SMC5: variants seen among roughly 807,000 people sequenced by gnomAD.
The protein encoded by SMC5 is structural maintenance of chromosomes 5.
A neutral mutation model predicts 148.3 loss-of-function variants in SMC5; 88 were observed. The observed-to-expected ratio is 0.59, with a 90% CI of 0.50 to 0.71. The LOEUF is 0.71. Ranked by LOEUF, SMC5 falls within the 30% of genes least tolerant of loss-of-function variation. The probability of loss-of-function intolerance (pLI) is 0.00; values close to 1 mark genes in which losing one functional copy is unlikely to be tolerated. For synonymous variants in SMC5, 421 were observed against 432.8 expected (o/e 0.97, Z 0.34); for missense variants, 1,142 against 1,298.9 (o/e 0.88, Z 1.86).
At chr9:70,304,615 A>C (rs2035449644) in intron 10 of SMC5, among the ~76,000 whole-genome samples, 1 of 152,142 alleles carries the variant, frequency 6.6e-6, no homozygotes, top group Non-Finnish European at 1.5e-5. Flanking sequence ...TGAACCCGGG[A>C]GGCAGAGGTT....
At chr9:70,295,907 A>G (rs138064697) in intron 8 of SMC5, among the ~76,000 whole-genome samples, 6 of 152,284 alleles carry the variant, frequency 3.9e-5, no homozygotes, top group African/African-American at 1.4e-4. Context: ...CATCTGTGAC[A>G]TGCTCATTTA....
At chr9:70,268,749 AT>A (rs927669641) in intron 3 of SMC5, among the ~76,000 whole-genome samples, 3 of 152,140 alleles carry the variant, frequency 2.0e-5, no homozygotes, top group Admixed American at 2.0e-4. Flanking sequence ...AGTTTGATGA[AT>A]CTCATGTATG....
At chr9:70,289,030 TTTGTTGTTG>T (rs942060955) in intron 8 of SMC5, among the ~76,000 whole-genome samples, 2 of 151,834 alleles carry the variant, frequency 1.3e-5, no homozygotes, top group Non-Finnish European at 1.5e-5. Flanking sequence ...TGATTTAGTT[TTTGTTGTTG>T]TTGTTGTTGT....
intron 3 of SMC5, among the ~76,000 whole-genome samples, chr9:70,276,517 T>G (rs1476087002): frequency 6.6e-6 from 1 of 152,244 alleles, no homozygotes; most frequent in East Asian, 1.9e-4. Context: ...AATGAAAGTT[T>G]AAAACTACTT....
intron 1 of SMC5, among the ~76,000 whole-genome samples, chr9:70,260,794 G>A (rs990579015): frequency 1.3e-5 from 2 of 152,210 alleles, no homozygotes; most frequent in African/African-American, 4.8e-5. Context: ...CCACGCTGGA[G>A]CTCAGTGGCA....
At position 70,277,814 on chromosome 9, in the gene SMC5, A is replaced by T. The variant is rs2034633672; in HGVS notation, c.543+342A>T. On this transcript the variant is annotated intron_variant, in intron 4 of 24. Transcript: ENST00000361138. ...CAGTTTTTGTTCGTATACATTATACATATATTTGAGTCTACAAAATATTTG... is the reference window on the plus strand; with the variant it reads ...CAGTTTTTGTTCGTATACATTATACTTATATTTGAGTCTACAAAATATTTG... Among the ~76,000 whole-genome samples the T allele has an allele frequency of 2.0e-5, 3 of 152,138 alleles. No individual in the cohort carries two copies. In the South Asian group the frequency reaches 6.2e-4, roughly 32 times the overall value.
chr9:70,315,026 T>G (rs2035758364), intron 12 of SMC5, among the ~76,000 whole-genome samples, 190 bp downstream of exon 12: 3 of 152,136 alleles, frequency 2.0e-5, no homozygotes. Flanking sequence ...ATGTTTCAAG[T>G]CTGCAGAATA....
intron 22 of SMC5, among the ~76,000 whole-genome samples, chr9:70,348,549 G>A (rs2036726463): frequency 6.6e-6 from 1 of 151,310 alleles, no homozygotes; most frequent in Non-Finnish European, 1.5e-5. Context: ...AAATTAGCTG[G>A]GTGCGGTGGT....
chr9:70,286,176 C>A (rs41312186), intron 7 of SMC5, 24 bp from the exon 8 acceptor site: 15 of 1,403,994 alleles, frequency 1.1e-5, no homozygotes, highest in East Asian at 4.7e-5. Context: ...GCTGTCCCCC[C>A]CTCTCCCCGG....
At chr9:70,340,224 C>T (rs2036481850) in intron 17 of SMC5, among the ~76,000 whole-genome samples, 1 of 151,760 alleles carries the variant, frequency 6.6e-6, no homozygotes, top group African/African-American at 2.4e-5. Context: ...CTGTGCTTTT[C>T]ATCTGACCTC....
intron 17 of SMC5, among the ~76,000 whole-genome samples, chr9:70,335,327 A>G (rs537213081): frequency 1.9e-4 from 29 of 152,258 alleles, no homozygotes; most frequent in African/African-American, 6.3e-4. Flanking sequence ...GTTTCTACAA[A>G]AAGTTAAAAA....
intron 1 of SMC5, among the ~76,000 whole-genome samples, chr9:70,261,093 G>A (rs987135532): frequency 6.6e-6 from 1 of 152,186 alleles, no homozygotes; most frequent in Admixed American, 6.5e-5. Flanking sequence ...AGAAGGAACT[G>A]TCTGAAATAG....
chr9:70,259,767 A>G (rs571879714), intron 1 of SMC5, among the ~76,000 whole-genome samples: 43 of 152,160 alleles, frequency 2.8e-4, no homozygotes, highest in African/African-American at 9.4e-4. Flanking sequence ...CTTACTGGCA[A>G]TTGTTGGACC....
At chr9:70,336,836 G>A (rs761568219) in intron 17 of SMC5, among the ~76,000 whole-genome samples, 10 of 152,170 alleles carry the variant, frequency 6.6e-5, no homozygotes, top group South Asian at 2.1e-4. Flanking sequence ...GTATTGGTCC[G>A]TTTTCATGCT....
At chr9:70,274,360 C>T (rs1212036935) in intron 3 of SMC5, among the ~76,000 whole-genome samples, 3 of 152,142 alleles carry the variant, frequency 2.0e-5, no homozygotes, top group East Asian at 1.9e-4. Flanking sequence ...GGATTACAGG[C>T]GTGAGCCACT....
intron 17 of SMC5, among the ~76,000 whole-genome samples, chr9:70,333,303 G>A (rs147198654): frequency 6.6e-6 from 1 of 152,064 alleles, no homozygotes; most frequent in Non-Finnish European, 1.5e-5. Context: ...ATTTACAATA[G>A]CATCAAAAAT....
At chr9:70,275,488 A>G (rs202218108) in intron 3 of SMC5, among the ~76,000 whole-genome samples, 1 of 152,192 alleles carries the variant, frequency 6.6e-6, no homozygotes, top group African/African-American at 2.4e-5. Context: ...GGCGTGAGCC[A>G]CCACATCTGG....
chr9:70,315,583 G>A lies in SMC5; in HGVS notation c.1806+5G>A, dbSNP rs2035779260. Reference sequence around the variant, plus strand: ...ACCAGAGAAAGAATTGAACGGGTAGGAAAGTAGTGAATCATGTACTGAATC... The same window carrying A: ...ACCAGAGAAAGAATTGAACGGGTAGAAAAGTAGTGAATCATGTACTGAATC... On this transcript the variant is annotated splice_donor_5th_base_variant and intron_variant, in intron 13 of 24. Transcript: ENST00000361138. 4 of 1,562,012 alleles carry A rather than the reference G, an allele frequency of 2.6e-6. No individual in the cohort carries two copies. The South Asian group carries it at 4.9e-5, about 19-fold the overall frequency.
In SMC5 at chr9:70,352,367, G is replaced by C; in HGVS notation, c.*36G>C. 1 of 1,556,324 alleles carries C rather than the reference G, an allele frequency of 6.4e-7. No homozygotes were observed. The highest frequency in any genetic ancestry group is 8.7e-7 in the Non-Finnish European group (1 of 1,152,628). On this transcript the variant is annotated 3_prime_UTR_variant, in exon 25 of 25. Coordinates refer to ENST00000361138, the MANE Select transcript of SMC5 (RefSeq NM_015110.4). ...GAGAGGGAACTTGGGAATTTTTTTT[G>C]TTAAATTCTGTTTATAAGTATGGCT... is the stretch of plus-strand genomic sequence containing the variant.
Sources: gnomAD v4.1 joint callset for allele counts (sites outside exome capture counted in the v4.1 genomes callset) on GRCh38, gnomAD v4.1.1 for gene constraint, MANE v1.5 for transcripts, NCBI Gene and HGNC (gene_info 2026-07-23, HGNC 2026-07-21) for gene names.